Variants in STARD9 observed in about 807,000 individuals in gnomAD.
STARD9 encodes StAR related lipid transfer domain containing 9.
Under a neutral mutation model 399.8 loss-of-function variants are expected in STARD9, and 346 were observed. The observed-to-expected ratio is 0.87, with a 90% CI of 0.79 to 0.95. The LOEUF (loss-of-function observed/expected upper bound fraction) is 0.95. Ranked by LOEUF, STARD9 falls within the 40% of genes least tolerant of loss-of-function variation. The pLI is 0.00. For synonymous variants in STARD9, 2,203 were observed against 2,143.5 expected (o/e 1.03, Z -0.77); for missense variants, 5,832 against 5,667.5 (o/e 1.03, Z -0.93).
intron 9 of STARD9, among the ~76,000 whole-genome samples, chr15:42,659,929 C>G (rs1175017479): frequency 6.6e-6 from 1 of 152,158 alleles, no homozygotes; most frequent in African/African-American, 2.4e-5. Context: ...ATATCCATAA[C>G]TGTTATTTGT....
chr15:42,647,994 G>A (rs2059678716), intron 7 of STARD9, among the ~76,000 whole-genome samples: 1 of 152,096 alleles, frequency 6.6e-6, no homozygotes, highest in Non-Finnish European at 1.5e-5. Context: ...TAAACCTTTT[G>A]GACCTTATAA....
chr15:42,687,257 C>G lies in STARD9; in HGVS notation c.5679C>G (p.Ser1893=). The G allele has an allele frequency of 6.5e-7, 1 of 1,537,008 alleles. No individual in the cohort carries two copies. Among genetic ancestry groups the G allele is most frequent in the Non-Finnish European group, 8.7e-7 (1 of 1,146,938 alleles). The change falls in exon 23 of 33, where the codon TCC becomes TCG. Residue 1893 remains serine, a synonymous_variant. Transcript: ENST00000290607. Reference sequence around the variant, plus strand: ...AGGGAGGAGAGGTCACTGCTCAGTCCTGTTGCGGTGCTTCCTCAGACAGCA... The same window carrying G: ...AGGGAGGAGAGGTCACTGCTCAGTCGTGTTGCGGTGCTTCCTCAGACAGCA... ...ALEGGEVTAQ[S]CCGASSDSTE...
intron 7 of STARD9, among the ~76,000 whole-genome samples, chr15:42,645,538 T>C (rs2141966376): frequency 6.6e-6 from 1 of 152,130 alleles, no homozygotes; most frequent in South Asian, 2.1e-4. Context: ...AGAGTAGATT[T>C]AGCATGATTC....
intron 3 of STARD9, among the ~76,000 whole-genome samples, chr15:42,626,020 C>T (rs887284041): frequency 1.3e-5 from 2 of 151,998 alleles, no homozygotes; most frequent in Non-Finnish European, 2.9e-5. Context: ...CTCCTAAGTT[C>T]GAGTTATTCT....
At chr15:42,714,760 T>C (rs1305151778) in intron 26 of STARD9, among the ~76,000 whole-genome samples, 1 of 152,180 alleles carries the variant, frequency 6.6e-6, no homozygotes, top group Non-Finnish European at 1.5e-5. Context: ...TGTAATACTT[T>C]TATACTCCTC....
rs560619642 is a variant in STARD9, at chr15:42,638,459, T to C, written c.447-241T>C. ...AGGCGGAGGTTGCAGTGAGCCAAGA[T>C]TGTGCCACTGCACTCCAACCTGTGA... On this transcript the variant is annotated intron_variant, in intron 6 of 32. Transcript: ENST00000290607. Among the ~76,000 whole-genome samples, 6 of 152,148 alleles carry C rather than the reference T, an allele frequency of 3.9e-5. No individual in the cohort carries two copies. The East Asian group carries it at 9.7e-4, about 24-fold the overall frequency.
chr15:42,695,636 A>C, intron 25 of STARD9, 107 bp from the exon 26 acceptor site: 1 of 1,300,674 alleles, frequency 7.7e-7, no homozygotes, highest in Non-Finnish European at 1.0e-6. Context: ...TGGGTGAAGG[A>C]GCAGTAGAGG....
intron 13 of STARD9, among the ~76,000 whole-genome samples, chr15:42,664,789 AACACACACACAC>A (rs55773330): frequency 2.6e-4 from 38 of 144,820 alleles, no homozygotes; most frequent in South Asian, 1.8e-3. Flanking sequence ...TTTATCCTTT[AACACACACACAC>A]ACACACACAC....
chr15:42,579,696 A>G (rs2058128339), intron 1 of STARD9, among the ~76,000 whole-genome samples: 2 of 152,210 alleles, frequency 1.3e-5, no homozygotes, highest in African/African-American at 4.8e-5. Flanking sequence ...AGCCAAACAA[A>G]GCAGATCCAC....
At chr15:42,709,485 G>A (rs1346729664) in intron 26 of STARD9, among the ~76,000 whole-genome samples, 1 of 152,174 alleles carries the variant, frequency 6.6e-6, no homozygotes, top group Non-Finnish European at 1.5e-5. Flanking sequence ...AGGAGTTCAG[G>A]AACAGCCTGG....
chr15:42,661,224 A>T lies in STARD9; in HGVS notation c.769A>T (p.Ser257Cys). ...GATCAACCTTGTGGACCTAGCAGGC[A>T]GGTAATTAGGATTTTAAAGCTAAGG... ...SKINLVDLAGSERADPSYCKD... is the reference protein window; with the variant it reads ...SKINLVDLAGCERADPSYCKD... Residue 257 changes from serine to cysteine, a missense_variant and splice_region_variant, in exon 10 of 33, where the codon AGC (serine) becomes TGC (cysteine). This residue lies in a region of STARD9 where 5,828 missense variants were observed against 5,651.1 expected (regional missense o/e 1.03). Transcript: ENST00000290607. The T allele has an allele frequency of 6.5e-7, 1 of 1,534,568 alleles. No homozygotes were observed. The highest frequency in any genetic ancestry group is 8.7e-7 in the Non-Finnish European group (1 of 1,144,502).
chr15:42,696,981 T>C (rs1041450797), intron 26 of STARD9, among the ~76,000 whole-genome samples: 1 of 152,190 alleles, frequency 6.6e-6, no homozygotes, highest in Non-Finnish European at 1.5e-5. Context: ...TGGCTGGGGA[T>C]GAATATTTGA....
At position 42,662,787 on chromosome 15, in the gene STARD9, G is replaced by A. The variant is rs375026231; in HGVS notation, c.771-7G>A. On this transcript the variant is annotated splice_polypyrimidine_tract_variant and splice_region_variant and intron_variant, in intron 10 of 32. Transcript: ENST00000290607. ...TTTGTTTTTGTTTTTCATTGACTGT[G>A]TTTTAGCGAAAGAGCAGATCCCAGT... 4 of 1,534,236 alleles carry A rather than the reference G, an allele frequency of 2.6e-6. No homozygotes were observed. The highest frequency in any genetic ancestry group is 2.6e-6 in the Non-Finnish European group (3 of 1,144,222).
chr15:42,664,047 A>C (rs2060042069), intron 13 of STARD9, 130 bp downstream of exon 13: 1 of 639,056 alleles, frequency 1.6e-6, no homozygotes, highest in Non-Finnish European at 2.8e-6. Context: ...ATGATGAGGG[A>C]GTAGAATTCT....
intron 16 of STARD9, chr15:42,671,332 G>A (rs1377943310): frequency 6.6e-6 from 1 of 152,014 alleles, no homozygotes; most frequent in Admixed American, 6.6e-5. Context: ...AACACTTAAA[G>A]GATTTTTAGT....
intron 3 of STARD9, among the ~76,000 whole-genome samples, chr15:42,611,988 A>G (rs2058859491): frequency 6.6e-6 from 1 of 152,148 alleles, no homozygotes; most frequent in South Asian, 2.1e-4. Context: ...TTATTATTAG[A>G]GACAGGGTCT....
intron 3 of STARD9, among the ~76,000 whole-genome samples, chr15:42,601,438 G>A (rs574063567): frequency 0.01 from 1,534 of 151,410 alleles, 34 homozygotes; most frequent in African/African-American, 0.036. Context: ...CAGACGGGGC[G>A]GCCGGGCAGA....
intron 3 of STARD9, 126 bp downstream of exon 3, chr15:42,585,763 T>C (rs1417015765): frequency 1.8e-5 from 9 of 508,788 alleles, no homozygotes; most frequent in African/African-American, 7.8e-5. Flanking sequence ...AGTACTCTAA[T>C]TGGTACTTTA....
chr15:42,576,820 C>G (rs1566844725), intron 1 of STARD9, among the ~76,000 whole-genome samples: 1 of 152,132 alleles, frequency 6.6e-6, no homozygotes, highest in South Asian at 2.1e-4. Flanking sequence ...TTGTAATTGA[C>G]AGACTAATGA....
Sources: allele counts gnomAD v4.1 joint callset (sites outside exome capture counted in the v4.1 genomes callset), GRCh38; gene constraint gnomAD v4.1.1; regional missense constraint gnomAD v4.1.1; transcripts MANE v1.5; gene names NCBI Gene and HGNC (gene_info 2026-07-23, HGNC 2026-07-21).